The following MDN1 variants were observed in gnomAD, a reference collection of about 807,000 sequenced individuals.
The protein encoded by MDN1 is midasin AAA ATPase 1.
In MDN1, 266 loss-of-function variants were observed where a neutral mutation model predicts 669.2. The ratio of observed to expected loss-of-function variants is 0.40; its 90% CI spans 0.36 to 0.44. The LOEUF (loss-of-function observed/expected upper bound fraction) is 0.44. Ranked by LOEUF, MDN1 falls within the 20% of genes least tolerant of loss-of-function variation. The pLI, the probability that MDN1 is intolerant of heterozygous loss-of-function variation, is 1.00. For synonymous variants in MDN1, 2,385 were observed against 2,457.1 expected (o/e 0.97, Z 0.87); for missense variants, 5,940 against 6,754.0 (o/e 0.88, Z 4.22).
chr6:89,738,054 A>G (rs749707632), intron 33 of MDN1, among the ~76,000 whole-genome samples: 2 of 152,184 alleles, frequency 1.3e-5, no homozygotes, highest in Non-Finnish European at 2.9e-5. Flanking sequence ...TGAAAGAATA[A>G]CATGTTCATT....
At chr6:89,794,880 A>C in intron 2 of MDN1, 79 bp from the exon 3 acceptor site, 2 of 1,143,048 alleles carry the variant, frequency 1.7e-6, no homozygotes, top group Non-Finnish European at 2.6e-6. Flanking sequence ...TAGGTTTATC[A>C]GAGTATTAAA....
At chr6:89,700,033 G>A (rs752518337) in intron 57 of MDN1, 30 bp downstream of exon 57, 17 of 1,596,592 alleles carry the variant, frequency 1.1e-5, no homozygotes, top group East Asian at 4.5e-5. Flanking sequence ...AAAAGTTCCC[G>A]CAAGGAAAAC....
At position 89,780,293 on chromosome 6, in the gene MDN1, C is replaced by A; in HGVS notation, c.1644G>T (p.Arg548Ser). Residue 548 changes from arginine to serine, a missense_variant and splice_region_variant, in exon 11 of 102, where the codon AGG becomes AGT. Coordinates refer to ENST00000369393, the MANE Select transcript of MDN1 (RefSeq NM_014611.3). ...PTLEGRELSLRDLLNWCNRIA... is the reference protein window; with the variant it reads ...PTLEGRELSLSDLLNWCNRIA... ...TCCTATTACACCAATTCAGCAGATC[C>A]CTTTAAAAAAAAGAAAGAAAAGAAA... The A allele has an allele frequency of 6.5e-7, 1 of 1,549,558 alleles. No individual in the cohort carries two copies. Among genetic ancestry groups the A allele is most frequent in the Non-Finnish European group, 8.7e-7 (1 of 1,150,102 alleles).
At chr6:89,665,663 T>C (rs906381881) in intron 84 of MDN1, among the ~76,000 whole-genome samples, 1 of 136,644 alleles carries the variant, frequency 7.3e-6, no homozygotes, top group Non-Finnish European at 1.5e-5. Context: ...GCTGAGATCA[T>C]ACTACTGCGC....
rs1257582062 is a variant in MDN1 at position 89,650,822 on chromosome 6, T to A, written c.15941A>T (p.Gln5314Leu). Reference sequence around the variant, plus strand: ...AGGCGCTGTTAAGATCAGGTAACTCTGCCACATCTCAGCTGCAACCTTCTC... The same window carrying A: ...AGGCGCTGTTAAGATCAGGTAACTCAGCCACATCTCAGCTGCAACCTTCTC... ...EEEKVAAEMW[Q>L]SYLILTAPLS... The change falls in exon 96 of 102, where the codon CAG becomes CTG. Residue 5314 changes from glutamine (Q) to leucine (L), a missense_variant. Physicochemically the swap from Gln to Leu is moderately radical, Grantham distance 113. This residue lies in a region of MDN1 where 2,280 missense variants were observed against 2,576.3 expected (regional missense o/e 0.88). Transcript: ENST00000369393. 1 of 1,613,970 alleles carries A rather than the reference T, an allele frequency of 6.2e-7. No homozygotes were observed. Among genetic ancestry groups the A allele is most frequent in the African/African-American group, 1.3e-5 (1 of 74,926 alleles).
chr6:89,790,825 A>C (rs1353169901), intron 5 of MDN1, among the ~76,000 whole-genome samples: 4 of 152,246 alleles, frequency 2.6e-5, no homozygotes, highest in Non-Finnish European at 5.9e-5. Flanking sequence ...GTTCGAGACC[A>C]GCCTGGCCAA....
chr6:89,780,586 G>A (rs1818616927), intron 10 of MDN1, among the ~76,000 whole-genome samples: 1 of 151,488 alleles, frequency 6.6e-6, no homozygotes, highest in South Asian at 2.1e-4. Context: ...GCCAGACAAG[G>A]TAGCAGGAAA....
chr6:89,772,600 T>A lies in MDN1; in HGVS notation c.2056A>T (p.Thr686Ser), dbSNP rs754791259. Residue 686 changes from threonine (T) to serine (S), a missense_variant, in exon 14 of 102, where the codon ACC becomes TCC. Thr to Ser is a moderately conservative substitution (Grantham distance 58, BLOSUM62 1). Transcript: ENST00000369393. ...VGETGTGKTS[T>S]IQYLAHITGH... ...GTAATGTGAGCCAAGTATTGGATGG[T>A]AGAGGTTTTGCCAGTCCCGGTCTCT... The A allele has an allele frequency of 6.2e-7, 1 of 1,614,092 alleles. No homozygotes were observed. The highest frequency in any genetic ancestry group is 8.5e-7 in the Non-Finnish European group (1 of 1,180,002).
At chr6:89,650,598 A>G in intron 96 of MDN1, 134 bp downstream of exon 96, 1 of 664,048 alleles carries the variant, frequency 1.5e-6, no homozygotes, top group Non-Finnish European at 2.6e-6. Context: ...AAGGAACAGC[A>G]TACTGGTGCC....
In MDN1 at chr6:89,774,627, A is replaced by G. The variant is rs975529083; in HGVS notation, c.1928T>C (p.Leu643Pro). 2 of 1,611,722 alleles carry G rather than the reference A, an allele frequency of 1.2e-6. No homozygotes were observed. Among genetic ancestry groups the G allele is most frequent in the Admixed American group, 1.7e-5 (1 of 59,980 alleles). Residue 643 changes from leucine (L) to proline (P), a missense_variant, in exon 13 of 102, where the codon CTA becomes CCA. This residue lies in a region of MDN1 where 1,203 missense variants were observed against 1,268.9 expected (regional missense o/e 0.95). Coordinates refer to ENST00000369393, the MANE Select transcript of MDN1 (RefSeq NM_014611.3). ...LLRKQSEAVH[L>P]QREKFTFAAT... ...AGTTTAGAGCCCTACTTACCTCTGT[A>G]GGTGAACAGCCTCACTTTGTTTCCG...
At chr6:89,781,252 C>A in intron 10 of MDN1, 147 bp downstream of exon 10, 1 of 713,588 alleles carries the variant, frequency 1.4e-6, no homozygotes. Flanking sequence ...CTATTTACTT[C>A]TAGCTGGTAA....
In MDN1 at chr6:89,648,050, C is replaced by T. The variant is rs149609856; in HGVS notation, c.16377G>A (p.Lys5459=). The T allele has an allele frequency of 1.2e-6, 2 of 1,613,646 alleles. No individual in the cohort carries two copies. Among genetic ancestry groups the T allele is most frequent in the Admixed American group, 1.7e-5 (1 of 60,006 alleles). The change falls in exon 99 of 102, where the codon AAG becomes AAA. Residue 5459 remains lysine (K), a synonymous_variant. Coordinates refer to ENST00000369393, the MANE Select transcript of MDN1 (RefSeq NM_014611.3). ...CTCTTACCTGAGCAATCTTGGTTTT[C>T]TTTTGTTGGAATTTGCAGAGACGTA... ...QILRLCKFQQ[K]KTKIAQFLES...
rs762424073 is a variant in MDN1 at position 89,689,993 on chromosome 6, A to G, written c.10900T>C (p.Phe3634Leu). 2.5e-6 allele frequency: 4 copies of G among 1,614,224 alleles called. No individual in the cohort carries two copies. The highest frequency in any genetic ancestry group is 2.5e-6 in the Non-Finnish European group (3 of 1,180,038). Reference sequence around the variant, plus strand: ...TGTTGATACCAGAGGGATCGAGCAAAGTTGAGACACAATTGCTGGTGTATC... The same window carrying G: ...TGTTGATACCAGAGGGATCGAGCAAGGTTGAGACACAATTGCTGGTGTATC... ...MLIHQQLCLN[F>L]ARSLWYQQTL... The change falls in exon 65 of 102, where the codon TTT becomes CTT. Residue 3634 changes from phenylalanine (F) to leucine (L), a missense_variant. Physicochemically the swap from Phe to Leu is conservative, Grantham distance 22. This residue lies in a region of MDN1 where 2,280 missense variants were observed against 2,576.3 expected (regional missense o/e 0.88). Transcript: ENST00000369393.
At position 89,718,950 on chromosome 6, in the gene MDN1, G is replaced by C; in HGVS notation, c.6138C>G (p.Phe2046Leu). 1 of 1,614,186 alleles carries C rather than the reference G, an allele frequency of 6.2e-7. No individual in the cohort carries two copies. Among genetic ancestry groups the C allele is most frequent in the South Asian group, 1.1e-5 (1 of 91,078 alleles). Residue 2046 changes from phenylalanine (F) to leucine (L), a missense_variant, in exon 42 of 102, where the codon TTC becomes TTG. Phe to Leu is a conservative substitution (Grantham distance 22). Around this residue, in one of 5 missense-constraint regions of MDN1, gnomAD observed 2,292 missense variants for 2,638.3 expected, o/e 0.87. Coordinates refer to ENST00000369393, the MANE Select transcript of MDN1 (RefSeq NM_014611.3). ...ACTTCATGATTGACTCCAGGGGTTG[G>C]AATGACTGGTGCAGGAGCAACAGGG... ...RHPLLLLHQSFQPLESIMKCV... is the reference protein window; with the variant it reads ...RHPLLLLHQSLQPLESIMKCV...
chr6:89,687,222 A>G (rs979525594), intron 68 of MDN1, 122 bp downstream of exon 68: 14 of 1,153,674 alleles, frequency 1.2e-5, no homozygotes, highest in Non-Finnish European at 1.7e-5. Flanking sequence ...TAACTCTGTG[A>G]TTAATAACTG....
intron 1 of MDN1, among the ~76,000 whole-genome samples, chr6:89,807,925 TTC>T (rs1768119740): frequency 6.6e-6 from 1 of 152,140 alleles, no homozygotes; most frequent in African/African-American, 2.4e-5. Flanking sequence ...TAGCTTAAAT[TTC>T]TCTCATTATG....
At chr6:89,819,485 C>T in intron 1 of MDN1, 21 bp downstream of exon 1, 1 of 1,600,674 alleles carries the variant, frequency 6.2e-7, no homozygotes, top group Non-Finnish European at 8.5e-7. Context: ...CCGGCGCTTT[C>T]CCTCTCCCTT....
intron 100 of MDN1, among the ~76,000 whole-genome samples, chr6:89,645,642 A>G (rs1375766719): frequency 4.6e-5 from 7 of 152,224 alleles, no homozygotes; most frequent in African/African-American, 1.4e-4. Context: ...CCTAATTTCT[A>G]TATTTTTTTG....
intron 47 of MDN1, 79 bp downstream of exon 47, chr6:89,713,069 C>T (rs2128312082): frequency 6.7e-7 from 1 of 1,496,264 alleles, no homozygotes; most frequent in Admixed American, 2.1e-5. Flanking sequence ...ACTGGGTTGC[C>T]ACCTTTAAAA....
Sources: allele counts gnomAD v4.1 joint callset (sites outside exome capture counted in the v4.1 genomes callset), GRCh38; gene constraint gnomAD v4.1.1; regional missense constraint gnomAD v4.1.1; transcripts MANE v1.5; gene names NCBI Gene and HGNC (gene_info 2026-07-23, HGNC 2026-07-21).